Variants in LRRC20 observed in about 807,000 individuals in gnomAD.
LRRC20 encodes the protein leucine rich repeat containing 20.
Under a neutral mutation model 14.4 loss-of-function variants are expected in LRRC20, and 11 were observed. The ratio of observed to expected loss-of-function variants is 0.77; its 90% CI spans 0.48 to 1.27. The LOEUF (loss-of-function observed/expected upper bound fraction) is 1.27, where lower values mean the gene tolerates loss of function less well. LRRC20 is among the 50% of genes most tolerant of loss of function. The pLI, the probability that LRRC20 is intolerant of heterozygous loss-of-function variation, is 0.00. For missense variants in LRRC20, 219 were observed against 251.2 expected (o/e 0.87, Z 0.87); for synonymous variants, 121 against 107.3 (o/e 1.13, Z -0.79).
At chr10:70,302,047 C>T (rs1366294746) in intron 4 of LRRC20, among the ~76,000 whole-genome samples, 4 of 152,220 alleles carry the variant, frequency 2.6e-5, no homozygotes, top group Non-Finnish European at 5.9e-5. Context: ...GTCGTGGTGG[C>T]TCACGCCTGT....
At chr10:70,367,996 T>TGTTATGTTATG (rs71009296) in intron 2 of LRRC20, among the ~76,000 whole-genome samples, 79 of 148,482 alleles carry the variant, frequency 5.3e-4, no homozygotes, top group Admixed American at 8.3e-4. Context: ...TGTTATGTTA[T>TGTTATGTTATG]TTTTTGAGAT....
At chr10:70,328,632 A>T (rs1421937718) in intron 3 of LRRC20, among the ~76,000 whole-genome samples, 2 of 152,170 alleles carry the variant, frequency 1.3e-5, no homozygotes, top group Non-Finnish European at 2.9e-5. Flanking sequence ...AATACACTCA[A>T]CAAGACCAGG....
chr10:70,303,865 T>C (rs1296973530), intron 4 of LRRC20, among the ~76,000 whole-genome samples: 1 of 152,220 alleles, frequency 6.6e-6, no homozygotes, highest in Non-Finnish European at 1.5e-5. Context: ...GGGGAGCAAC[T>C]GCTTAAAGGA....
intron 3 of LRRC20, among the ~76,000 whole-genome samples, chr10:70,327,200 C>T (rs1842361178): frequency 6.6e-6 from 1 of 152,094 alleles, no homozygotes; most frequent in Admixed American, 6.6e-5. Flanking sequence ...TAAGGGATGC[C>T]CAGACAGCTG....
intron 1 of LRRC20, among the ~76,000 whole-genome samples, chr10:70,378,364 C>T (rs1476039420): frequency 6.6e-6 from 1 of 152,112 alleles, no homozygotes; most frequent in East Asian, 1.9e-4. Flanking sequence ...ACTTGTCAGC[C>T]GGGCGCAGTG....
At chr10:70,366,817 A>G (rs1844016411) in intron 2 of LRRC20, among the ~76,000 whole-genome samples, 1 of 152,240 alleles carries the variant, frequency 6.6e-6, no homozygotes, top group African/African-American at 2.4e-5. Flanking sequence ...TAGCATTTAC[A>G]TTGTATTATG....
intron 4 of LRRC20, among the ~76,000 whole-genome samples, chr10:70,317,668 CA>C (rs1841916273): frequency 6.6e-6 from 1 of 152,184 alleles, no homozygotes; most frequent in Admixed American, 6.5e-5. Context: ...CGTGAGCCCC[CA>C]GGTCCAGTCA....
chr10:70,360,409 T>C (rs1442488369), intron 2 of LRRC20, among the ~76,000 whole-genome samples: 3 of 149,258 alleles, frequency 2.0e-5, no homozygotes, highest in Non-Finnish European at 4.5e-5. Context: ...CTCCTCCCCC[T>C]CCTCCTCTTC....
intron 1 of LRRC20, among the ~76,000 whole-genome samples, chr10:70,380,520 A>C (rs1266242627): frequency 6.6e-6 from 1 of 152,214 alleles, no homozygotes; most frequent in Non-Finnish European, 1.5e-5. Context: ...GTGTTCCAAA[A>C]GGCAGAAACA....
At chr10:70,357,468 G>C (rs1843567403) in intron 2 of LRRC20, among the ~76,000 whole-genome samples, 1 of 152,240 alleles carries the variant, frequency 6.6e-6, no homozygotes, top group Non-Finnish European at 1.5e-5. Flanking sequence ...CAGGTAGTTT[G>C]TGCTCAGTAA....
chr10:70,361,828 C>T (rs975312364), intron 2 of LRRC20, among the ~76,000 whole-genome samples: 8 of 151,944 alleles, frequency 5.3e-5, no homozygotes, highest in African/African-American at 1.5e-4. Context: ...AACTGGAGCA[C>T]GACAAAAATA....
chr10:70,371,621 C>T lies in LRRC20; in HGVS notation c.82+4831G>A, dbSNP rs1003541699. Among the ~76,000 whole-genome samples the T allele has an allele frequency of 3.9e-5, 6 of 152,000 alleles. No homozygotes were observed. In the East Asian group the frequency reaches 7.7e-4, roughly 20 times the overall value. On this transcript the variant is annotated intron_variant, in intron 2 of 4. Coordinates refer to ENST00000446961, the MANE Select transcript of LRRC20 (RefSeq NM_001278212.2). ...AGGCCCCTCAGCGGTCCAGGACCCA[C>T]GGAAACCCAGATGGAAAAGGGGCAG...
intron 4 of LRRC20, among the ~76,000 whole-genome samples, chr10:70,308,868 G>T (rs929186645): frequency 1.3e-5 from 2 of 152,184 alleles, no homozygotes; most frequent in African/African-American, 4.8e-5. Context: ...AGCTCATGTG[G>T]GTACAAATGT....
chr10:70,318,195 C>T (rs533230336), intron 4 of LRRC20, among the ~76,000 whole-genome samples: 3 of 152,308 alleles, frequency 2.0e-5, no homozygotes, highest in South Asian at 2.1e-4. Context: ...TCTCAGGCTT[C>T]AGCATGAATG....
intron 4 of LRRC20, among the ~76,000 whole-genome samples, chr10:70,311,550 G>C (rs944031664): frequency 6.6e-6 from 1 of 152,098 alleles, no homozygotes; most frequent in African/African-American, 2.4e-5. Context: ...CAGATAATGA[G>C]AGGCTTTGAG....
chr10:70,366,194 A>G (rs1843994881), intron 2 of LRRC20, among the ~76,000 whole-genome samples: 1 of 152,116 alleles, frequency 6.6e-6, no homozygotes, highest in Non-Finnish European at 1.5e-5. Context: ...AGGCTGAGGC[A>G]GGCAGATCAC....
At chr10:70,347,836 CAA>C (rs1384245057) in intron 2 of LRRC20, among the ~76,000 whole-genome samples, 3 of 150,004 alleles carry the variant, frequency 2.0e-5, no homozygotes, top group Non-Finnish European at 4.4e-5. Context: ...AAAAAAAACC[CAA>C]AAAACACACA....
intron 4 of LRRC20, among the ~76,000 whole-genome samples, chr10:70,316,639 G>A (rs1303498024): frequency 1.3e-5 from 2 of 152,208 alleles, no homozygotes; most frequent in Non-Finnish European, 1.5e-5. Context: ...GTGGGGCAGG[G>A]GCTGCAAACA....
At chr10:70,373,252 C>T (rs56043785) in intron 2 of LRRC20, among the ~76,000 whole-genome samples, 147,627 of 152,312 alleles carry the variant, frequency 0.97, 71,694 homozygotes, top group Non-Finnish European at 1. Flanking sequence ...ATTACCACTC[C>T]TCCAGAAAGC....
Sources: allele counts gnomAD v4.1 joint callset (sites outside exome capture counted in the v4.1 genomes callset), GRCh38; gene constraint gnomAD v4.1.1; transcripts MANE v1.5; gene names NCBI Gene and HGNC (gene_info 2026-07-23, HGNC 2026-07-21).